Variants in UBAC2 observed in about 807,000 individuals in gnomAD.
UBAC2 encodes the protein ubiquitin-associated domain-containing protein 2.
A neutral mutation model predicts 44.0 loss-of-function variants in UBAC2; 26 were observed. The observed-to-expected ratio is 0.59, with a 90% CI of 0.43 to 0.82. UBAC2 has a LOEUF of 0.82. Ranked by LOEUF, UBAC2 falls within the 40% of genes least tolerant of loss-of-function variation. The pLI, the probability that UBAC2 is intolerant of heterozygous loss-of-function variation, is 0.00. For synonymous variants in UBAC2, 155 were observed against 154.3 expected (o/e 1.00, Z -0.04); for missense variants, 329 against 419.4 (o/e 0.78, Z 1.88).
At chr13:99,358,527 A>G (rs746067503) in intron 7 of UBAC2, among the ~76,000 whole-genome samples, 1 of 152,218 alleles carries the variant, frequency 6.6e-6, no homozygotes, top group Admixed American at 6.5e-5. Flanking sequence ...AAAAATCTAT[A>G]TTTATGTTAG....
In UBAC2 at chr13:99,269,401, G is replaced by A. The variant is rs527968147; in HGVS notation, c.389+24777G>A. ...ACTGGTACAGCAGAACTTGTTCCAG[G>A]ACATAATTCACTGCAATGTAGAGTT... On this transcript the variant is annotated intron_variant, in intron 4 of 8. Coordinates refer to ENST00000403766, the MANE Select transcript of UBAC2 (RefSeq NM_001144072.2). Among the ~76,000 whole-genome samples the A allele has an allele frequency of 2.6e-5, 4 of 152,284 alleles. No homozygotes were observed. In the East Asian group the frequency reaches 5.8e-4, roughly 22 times the overall value.
At chr13:99,290,996 A>G (rs1027611420) in intron 4 of UBAC2, among the ~76,000 whole-genome samples, 2 of 152,192 alleles carry the variant, frequency 1.3e-5, no homozygotes, top group Non-Finnish European at 2.9e-5. Context: ...AGCTCAGGCT[A>G]CAGGGTGGAA....
At chr13:99,265,488 A>T (rs2043730673) in intron 4 of UBAC2, among the ~76,000 whole-genome samples, 1 of 152,248 alleles carries the variant, frequency 6.6e-6, no homozygotes, top group Admixed American at 6.5e-5. Flanking sequence ...ATTTAGGATC[A>T]GTAATTACAG....
chr13:99,382,569 C>T lies in UBAC2; in HGVS notation c.928-2659C>T, dbSNP rs115793797. Among the ~76,000 whole-genome samples, 639 of 152,172 alleles carry T rather than the reference C, an allele frequency of 4.2e-3. 2 individuals carry two copies. Among genetic ancestry groups the T allele is most frequent in the African/African-American group, 0.015 (616 of 41,496 alleles). ...GTGGTGTCACACTCAGTTCTGGGCG[C>T]GGTGTTCTGAGACGGTGTGCACAAA... On this transcript the variant is annotated intron_variant, in intron 8 of 8. Transcript: ENST00000403766.
chr13:99,356,633 A>G (rs1319574350), intron 7 of UBAC2, among the ~76,000 whole-genome samples: 8 of 152,126 alleles, frequency 5.3e-5, no homozygotes, highest in Non-Finnish European at 8.8e-5. Flanking sequence ...CTAGTTTATT[A>G]TTTTTTCCAA....
Position 99,243,516 on chromosome 13 carries a change from C to T in UBAC2, c.160-316C>T, listed in dbSNP as rs367659001. Among the ~76,000 whole-genome samples, 10 of 152,056 alleles carry T rather than the reference C, an allele frequency of 6.6e-5. 1 individual carries two copies. In the South Asian group the frequency reaches 8.3e-4, roughly 13 times the overall value. On this transcript the variant is annotated intron_variant, in intron 2 of 8. Transcript: ENST00000403766. ...TTTGTTAGCCTTTCATTCTAGTTTA[C>T]GTATATAATTTTAAAAAATCTTACT...
intron 6 of UBAC2, 60 bp from the exon 7 acceptor site, chr13:99,340,260 G>A (rs1008800777): frequency 7.6e-6 from 12 of 1,579,878 alleles, no homozygotes; most frequent in African/African-American, 6.8e-5. Flanking sequence ...TTTTTGAGTC[G>A]TGTACATTTT....
Position 99,295,483 on chromosome 13 carries a change from G to A in UBAC2, c.390-18614G>A. On this transcript the variant is annotated intron_variant, in intron 4 of 8. Transcript: ENST00000403766. The surrounding 1 kb of genome is among the most constrained non-coding windows in gnomAD (Gnocchi z 4.1). Reference sequence around the variant, plus strand: ...TTTGTTTGGCAGTTCTGAAGAGTTTGCAGCAGATCTGAGAATAGCAGATGA... The same window carrying A: ...TTTGTTTGGCAGTTCTGAAGAGTTTACAGCAGATCTGAGAATAGCAGATGA... 6.2e-7 allele frequency: 1 copy of A among 1,613,936 alleles called. No homozygotes were observed. The highest frequency in any genetic ancestry group is 1.3e-5 in the African/African-American group (1 of 75,006).
At chr13:99,269,844 T>C (rs1237953101) in intron 4 of UBAC2, among the ~76,000 whole-genome samples, 1 of 152,208 alleles carries the variant, frequency 6.6e-6, no homozygotes, top group East Asian at 1.9e-4. Flanking sequence ...TACATAGAAC[T>C]TGATAAAAGC....
intron 5 of UBAC2, among the ~76,000 whole-genome samples, chr13:99,317,399 G>A (rs2044507618): frequency 1.3e-5 from 2 of 151,892 alleles, no homozygotes; most frequent in African/African-American, 4.8e-5. Context: ...TAAACGATTT[G>A]GAAAACAAAG....
At chr13:99,241,209 G>A (rs907202458) in intron 2 of UBAC2, among the ~76,000 whole-genome samples, 14 of 148,988 alleles carry the variant, frequency 9.4e-5, no homozygotes, top group African/African-American at 3.2e-4. Context: ...AGCCTGCAGT[G>A]AGATGTGATC....
chr13:99,319,746 G>A (rs894627011), intron 6 of UBAC2, among the ~76,000 whole-genome samples: 5 of 152,122 alleles, frequency 3.3e-5, no homozygotes, highest in African/African-American at 1.2e-4. Flanking sequence ...GGTGGCTTAG[G>A]GCCATCCTGG....
intron 5 of UBAC2, among the ~76,000 whole-genome samples, chr13:99,317,706 ATTTTAC>A (rs553052176): frequency 1.3e-5 from 2 of 152,108 alleles, no homozygotes; most frequent in Non-Finnish European, 2.9e-5. Flanking sequence ...TATATGTAGT[ATTTTAC>A]TTTAAGTCAG....
At chr13:99,275,817 G>T (rs2043874456) in intron 4 of UBAC2, among the ~76,000 whole-genome samples, 1 of 152,142 alleles carries the variant, frequency 6.6e-6, no homozygotes, top group African/African-American at 2.4e-5. Flanking sequence ...GTCTCGGGAT[G>T]AGGTCCTCGA....
chr13:99,309,180 G>A (rs895089381), intron 4 of UBAC2, among the ~76,000 whole-genome samples: 1 of 151,634 alleles, frequency 6.6e-6, no homozygotes, highest in Non-Finnish European at 1.5e-5. Flanking sequence ...GTGTGCTGTC[G>A]GCTCACTGCA....
At chr13:99,325,312 G>T (rs1190219686) in intron 6 of UBAC2, among the ~76,000 whole-genome samples, 1 of 151,824 alleles carries the variant, frequency 6.6e-6, no homozygotes, top group African/African-American at 2.4e-5. Context: ...ACCGTGTTAG[G>T]CAGGATGGTC....
intron 5 of UBAC2, among the ~76,000 whole-genome samples, chr13:99,317,281 G>A (rs2044505798): frequency 6.6e-6 from 1 of 152,162 alleles, no homozygotes; most frequent in Admixed American, 6.6e-5. Context: ...CCAATCTGAA[G>A]TTCTAAAAAT....
intron 1 of UBAC2, chr13:99,201,672 T>C: frequency 8.0e-7 from 1 of 1,255,838 alleles, no homozygotes; most frequent in Non-Finnish European, 1.1e-6. Flanking sequence ...TAGGCACGGG[T>C]ACAGCAACGG....
At chr13:99,215,709 G>A (rs1173071227) in intron 1 of UBAC2, 9 of 1,498,478 alleles carry the variant, frequency 6.0e-6, no homozygotes, top group East Asian at 4.6e-5. Flanking sequence ...GCGGGAAACC[G>A]CCTTTGTCTT....
Sources: gnomAD v4.1 joint callset for allele counts (sites outside exome capture counted in the v4.1 genomes callset) on GRCh38, gnomAD v4.1.1 for gene constraint, Gnocchi (gnomAD v3.1) non-coding constraint, MANE v1.5 for transcripts, NCBI Gene and HGNC (gene_info 2026-07-23, HGNC 2026-07-21) for gene names.